Variants in MEGF11 observed in about 807,000 individuals in gnomAD.
MEGF11 encodes the protein multiple epidermal growth factor-like domains protein 11.
Under a neutral mutation model 146.6 loss-of-function variants are expected in MEGF11, and 126 were observed. The observed-to-expected ratio is 0.86, with a 90% CI of 0.74 to 1.00. The LOEUF is 1.00. Among genes scored for constraint, MEGF11 ranks in the 50% least tolerant of loss-of-function variants. The pLI, the probability that MEGF11 is intolerant of heterozygous loss-of-function variation, is 0.00. For synonymous variants in MEGF11, 532 were observed against 583.4 expected, an observed-to-expected ratio of 0.91 and a Z score of 1.27; for missense variants, 1,509 against 1,521.2, an observed-to-expected ratio of 0.99 and a Z score of 0.13.
In MEGF11 at chr15:65,930,826, C is replaced by T; in HGVS notation, c.1405G>A (p.Glu469Lys). 1 of 1,606,494 alleles carries T rather than the reference C, an allele frequency of 6.2e-7. No homozygotes were observed. The highest frequency in any genetic ancestry group is 8.5e-7 in the Non-Finnish European group (1 of 1,175,916). ...SPVDGSCTCK[E>K]GWQGLDCTLP... Reference sequence around the variant, plus strand: ...CTTGGGAGAGAGGGCACATTACCTTCCTTGCAGGTACAGGAGCCATCTACT... The same window carrying T: ...CTTGGGAGAGAGGGCACATTACCTTTCTTGCAGGTACAGGAGCCATCTACT... The change falls in exon 11 of 26, where the codon GAA (glutamate) becomes AAA (lysine). Residue 469 changes from glutamate (E) to lysine (K), a missense_variant. Transcript: ENST00000395614.
chr15:66,150,964 C>T (rs1263465829), intron 1 of MEGF11, among the ~76,000 whole-genome samples: 2 of 152,126 alleles, frequency 1.3e-5, no homozygotes, highest in African/African-American at 4.8e-5. Flanking sequence ...ACCAGGATCA[C>T]CCTGCTGAGC....
chr15:65,992,451 G>GGC lies in MEGF11; in HGVS notation c.395-9964_395-9963insGC, dbSNP rs1555459376. Among the ~76,000 whole-genome samples the GGC allele has an allele frequency of 4.3e-3, 77 of 17,942 alleles. 3 individuals are homozygous for GGC. In the East Asian group the frequency reaches 0.4, roughly 92 times the overall value. The allele number at this position is 17,942 out of a possible 152,430, so 11.8% of individuals were successfully genotyped here. On this transcript the variant is annotated intron_variant, in intron 5 of 25. Transcript: ENST00000395614. Reference sequence around the variant, plus strand: ...CGTTTGTGCCTCTGTGTGTGTGTGTGGGGGGGGGGGTTAGTCACATCCTGA... The same window carrying GGC: ...CGTTTGTGCCTCTGTGTGTGTGTGTGGCGGGGGGGGGGTTAGTCACATCCTGA...
intron 5 of MEGF11, among the ~76,000 whole-genome samples, chr15:66,013,179 A>C (rs908449434): frequency 6.6e-6 from 1 of 152,124 alleles, no homozygotes; most frequent in Non-Finnish European, 1.5e-5. Flanking sequence ...GAGCTGGAGG[A>C]GACTAGAGGG....
intron 1 of MEGF11, among the ~76,000 whole-genome samples, chr15:66,171,137 G>A (rs1179475670): frequency 6.6e-6 from 1 of 152,250 alleles, no homozygotes; most frequent in Non-Finnish European, 1.5e-5. Context: ...GCATGGTGAA[G>A]GCCGCTGTTG....
At chr15:66,172,764 C>A (rs2090295090) in intron 1 of MEGF11, among the ~76,000 whole-genome samples, 1 of 152,226 alleles carries the variant, frequency 6.6e-6, no homozygotes, top group Non-Finnish European at 1.5e-5. Flanking sequence ...CCTACTGGAA[C>A]CCTACGGGAA....
chr15:66,051,895 A>G (rs1290926435), intron 5 of MEGF11, among the ~76,000 whole-genome samples: 1 of 152,230 alleles, frequency 6.6e-6, no homozygotes, highest in Non-Finnish European at 1.5e-5. Flanking sequence ...GCCCACATTT[A>G]TAATAGATTT....
At chr15:66,246,511 T>C (rs141867288) in intron 1 of MEGF11, among the ~76,000 whole-genome samples, 8 of 152,094 alleles carry the variant, frequency 5.3e-5, no homozygotes, top group African/African-American at 1.9e-4. Context: ...CTTTTAATAA[T>C]AATAATATCT....
At chr15:66,053,956 C>G (rs1433119084) in intron 5 of MEGF11, among the ~76,000 whole-genome samples, 2 of 151,910 alleles carry the variant, frequency 1.3e-5, no homozygotes, top group Admixed American at 1.3e-4. Flanking sequence ...CTCCTGAGCT[C>G]AAGCAATCTG....
intron 9 of MEGF11, among the ~76,000 whole-genome samples, chr15:65,962,967 G>A (rs1024582091): frequency 1.3e-5 from 2 of 152,200 alleles, no homozygotes; most frequent in Non-Finnish European, 2.9e-5. Context: ...AGAGAAGAGG[G>A]GGAGTCCTTT....
chr15:66,007,642 A>G (rs767383123), intron 5 of MEGF11, among the ~76,000 whole-genome samples: 2 of 152,078 alleles, frequency 1.3e-5, no homozygotes, highest in Non-Finnish European at 2.9e-5. Flanking sequence ...CCCAGCTACT[A>G]CTCCAGAAGC....
At chr15:66,223,255 T>C (rs2091777522) in intron 1 of MEGF11, among the ~76,000 whole-genome samples, 1 of 152,142 alleles carries the variant, frequency 6.6e-6, no homozygotes, top group South Asian at 2.1e-4. Flanking sequence ...CCACATATTG[T>C]ATGATTCCAT....
At position 65,898,964 on chromosome 15, in the gene MEGF11, A is replaced by G. The variant is rs2303373; in HGVS notation, c.3056-30T>C. On this transcript the variant is annotated intron_variant, in intron 24 of 25. Transcript: ENST00000395614. ...AAGGCAAGAGACATTTCTTAGGACA[A>G]GCAAGAATACAAGTCTTCATGTTAA... is the stretch of plus-strand genomic sequence containing the variant. The G allele has an allele frequency of 2.8e-3, 4,559 of 1,610,564 alleles. 144 individuals are homozygous for G. In the East Asian group the frequency reaches 0.077, roughly 27 times the overall value.
chr15:66,040,583 G>T (rs543319456), intron 5 of MEGF11, among the ~76,000 whole-genome samples: 2 of 152,304 alleles, frequency 1.3e-5, no homozygotes, highest in East Asian at 3.9e-4. Flanking sequence ...CTACAGTGGT[G>T]GTGGGAGGAA....
At chr15:65,907,037 G>A (rs2078650317) in intron 23 of MEGF11, among the ~76,000 whole-genome samples, 1 of 152,148 alleles carries the variant, frequency 6.6e-6, no homozygotes, top group African/African-American at 2.4e-5. Flanking sequence ...CAAAGTCAGA[G>A]CAATTTTTTC....
Position 66,024,038 on chromosome 15 carries a change from G to T in MEGF11, c.395-41550C>A, listed in dbSNP as rs369244387. Among the ~76,000 whole-genome samples the T allele has an allele frequency of 9.2e-5, 14 of 152,334 alleles. No homozygotes were observed. The East Asian group carries it at 9.6e-4, about 10-fold the overall frequency. ...GGAGGTCACCAGCAGAAACCAGGTG[G>T]GTGGGCTGAGCAGTGGGAAAGAACT... On this transcript the variant is annotated intron_variant, in intron 5 of 25. Transcript: ENST00000395614.
At chr15:65,966,175 T>C (rs930711182) in intron 8 of MEGF11, among the ~76,000 whole-genome samples, 11 of 152,162 alleles carry the variant, frequency 7.2e-5, no homozygotes, top group Non-Finnish European at 1.2e-4. Context: ...TTTGTATTTT[T>C]ACTAGAGACG....
intron 1 of MEGF11, among the ~76,000 whole-genome samples, chr15:66,214,268 C>T (rs1182725531): frequency 6.6e-6 from 1 of 152,104 alleles, no homozygotes; most frequent in South Asian, 2.1e-4. Context: ...CTCCTGACCT[C>T]AGGTGGTCTG....
At chr15:66,043,516 G>T (rs77685064) in intron 5 of MEGF11, among the ~76,000 whole-genome samples, 1 of 152,110 alleles carries the variant, frequency 6.6e-6, no homozygotes, top group Admixed American at 6.5e-5. Context: ...AATTATGCCC[G>T]CGTGATGTTG....
intron 4 of MEGF11, among the ~76,000 whole-genome samples, chr15:66,108,002 T>C (rs1308140045): frequency 3.3e-5 from 5 of 152,186 alleles, no homozygotes; most frequent in East Asian, 1.9e-4. Flanking sequence ...TCCCAGAGAA[T>C]GTTAGGCTCC....
Sources: gnomAD v4.1 joint callset for allele counts (sites outside exome capture counted in the v4.1 genomes callset) on GRCh38, gnomAD v4.1.1 for gene constraint, MANE v1.5 for transcripts, NCBI Gene and HGNC (gene_info 2026-07-23, HGNC 2026-07-21) for gene names.